Variants in PKHD1L1 observed in about 807,000 individuals in gnomAD.
PKHD1L1 encodes the protein PKHD1 like 1.
A neutral mutation model predicts 462.9 loss-of-function variants in PKHD1L1; 434 were observed. The ratio of observed to expected loss-of-function variants is 0.94; its 90% CI spans 0.87 to 1.02. The LOEUF (loss-of-function observed/expected upper bound fraction) is 1.02, where lower values mean the gene tolerates loss of function less well. Ranked by LOEUF, PKHD1L1 falls within the 50% of genes least tolerant of loss-of-function variation. The pLI is 0.00. For missense variants in PKHD1L1, 5,202 were observed against 5,096.1 expected, an observed-to-expected ratio of 1.02 and a Z score of -0.63; for synonymous variants, 1,781 against 1,750.0, an observed-to-expected ratio of 1.02 and a Z score of -0.44.
chr8:109,410,146 A>G (rs970554488), intron 19 of PKHD1L1, among the ~76,000 whole-genome samples, 168 bp downstream of exon 19: 1 of 152,160 alleles, frequency 6.6e-6, no homozygotes, highest in East Asian at 1.9e-4. Context: ...GGTAGGTGCT[A>G]TTGGTACTGC....
intron 9 of PKHD1L1, among the ~76,000 whole-genome samples, chr8:109,391,343 G>A (rs1337079551): frequency 1.3e-5 from 2 of 152,138 alleles, no homozygotes; most frequent in Non-Finnish European, 2.9e-5. Context: ...TTATTCCAGT[G>A]CTTTGCCATG....
At chr8:109,500,081 G>T (rs924470486) in intron 67 of PKHD1L1, among the ~76,000 whole-genome samples, 1 of 152,038 alleles carries the variant, frequency 6.6e-6, no homozygotes, top group African/African-American at 2.4e-5. Context: ...ATGAGAGATG[G>T]GTGTACCAGC....
At position 109,523,232 on chromosome 8, in the gene PKHD1L1, G is replaced by C; in HGVS notation, c.12331-1G>C. The C allele has an allele frequency of 6.4e-7, 1 of 1,564,794 alleles. No individual in the cohort carries two copies. Among genetic ancestry groups the C allele is most frequent in the South Asian group, 1.2e-5 (1 of 83,850 alleles). ...ATTATCTACTTTTTTTTTTTTTTTA[G>C]GGTAACTGTGTATCAGTTGGAATTA... is the stretch of plus-strand genomic sequence containing the variant. On this transcript the variant is annotated splice_acceptor_variant, in intron 75 of 77. Coordinates refer to ENST00000378402, the MANE Select transcript of PKHD1L1 (RefSeq NM_177531.6). LOFTEE classifies it high-confidence loss of function.
chr8:109,469,273 C>G (rs1165562011), intron 50 of PKHD1L1, among the ~76,000 whole-genome samples: 1 of 152,066 alleles, frequency 6.6e-6, no homozygotes, highest in Non-Finnish European at 1.5e-5. Flanking sequence ...GGGGAAAATG[C>G]TATTACCATT....
At chr8:109,367,550 T>C (rs546360049) in intron 2 of PKHD1L1, among the ~76,000 whole-genome samples, 3 of 152,366 alleles carry the variant, frequency 2.0e-5, no homozygotes, top group African/African-American at 7.2e-5. Flanking sequence ...AGTATAGTAT[T>C]GACTTGTAAA....
chr8:109,389,073 A>G lies in PKHD1L1; in HGVS notation c.624-6A>G, dbSNP rs1028741468. ...TAAGCTTTGACATTAACTTTTTTTT[A>G]ATTAGATATGGTCTAAAACTGGATC... On this transcript the variant is annotated splice_polypyrimidine_tract_variant and splice_region_variant and intron_variant, in intron 7 of 77. Transcript: ENST00000378402. 11 of 1,579,790 alleles carry G rather than the reference A, an allele frequency of 7.0e-6. No homozygotes were observed. In the Admixed American group the frequency reaches 7.1e-5, roughly 10 times the overall value.
chr8:109,424,104 C>T (rs558933353), intron 23 of PKHD1L1, among the ~76,000 whole-genome samples: 4 of 152,122 alleles, frequency 2.6e-5, no homozygotes, highest in East Asian at 3.9e-4. Flanking sequence ...TTCCTTGAAC[C>T]GCTCTTCTTT....
chr8:109,431,737 A>G (rs1169072834), intron 27 of PKHD1L1, among the ~76,000 whole-genome samples: 1 of 152,184 alleles, frequency 6.6e-6, no homozygotes. Context: ...GGACATTTAG[A>G]TTGTTTACAA....
In PKHD1L1 at chr8:109,496,921, C is replaced by T; in HGVS notation, c.10330C>T (p.Gln3444Ter). The change falls in exon 64 of 78, where the codon CAG becomes TAG. Residue 3444 changes from glutamine (Q) to a stop codon, truncating the protein, a stop_gained and splice_region_variant. Transcript: ENST00000378402. LOFTEE classifies it high-confidence loss of function. ...YRIDGEPCPG[Q>*]FNPVEKWFDN... is the part of the protein sequence containing the mutation. ...CTGGTTCTATATTTCCCTCCAAGGC[C>T]AGTTTAATCCTGTGGAAAAGTGGTT... The T allele has an allele frequency of 1.2e-6, 2 of 1,608,848 alleles. No individual in the cohort carries two copies. The highest frequency in any genetic ancestry group is 1.7e-6 in the Non-Finnish European group (2 of 1,177,418).
At chr8:109,415,862 GGGGTGTGTGT>G (rs1814131963) in intron 21 of PKHD1L1, among the ~76,000 whole-genome samples, 13 of 83,922 alleles carry the variant, frequency 1.5e-4, no homozygotes, top group East Asian at 8.7e-4. Flanking sequence ...AAAAAAAAAA[GGGGTGTGTGT>G]GTGTGTGTGT....
Position 109,443,867 on chromosome 8 carries a change from G to T in PKHD1L1, c.4756G>T (p.Gly1586Ter). Reference sequence around the variant, plus strand: ...AGTAAATGAACTAATAACAATTATTGGACATGGCTTTAGTAATCTCCCATG... The same window carrying T: ...AGTAAATGAACTAATAACAATTATTTGACATGGCTTTAGTAATCTCCCATG... The part of the protein sequence containing the change: ...GTVNELITII[G>*]HGFSNLPWAN... Residue 1586 changes from glycine (G) to a stop codon, truncating the protein, a stop_gained, in exon 37 of 78, where the codon GGA becomes TGA. Coordinates refer to ENST00000378402, the MANE Select transcript of PKHD1L1 (RefSeq NM_177531.6). LOFTEE classifies it high-confidence loss of function. The T allele has an allele frequency of 6.2e-7, 1 of 1,613,532 alleles. No individual in the cohort carries two copies. Among genetic ancestry groups the T allele is most frequent in the Middle Eastern group, 1.7e-4 (1 of 6,048 alleles).
intron 62 of PKHD1L1, among the ~76,000 whole-genome samples, chr8:109,493,094 G>T (rs1818912965): frequency 6.6e-6 from 1 of 151,132 alleles, no homozygotes; most frequent in African/African-American, 2.4e-5. Context: ...CTACTTGGGA[G>T]GTTGAGTTAA....
At position 109,406,563 on chromosome 8, in the gene PKHD1L1, A is replaced by G. The variant is rs1586445633; in HGVS notation, c.1813+85A>G. On this transcript the variant is annotated intron_variant, in intron 17 of 77. Coordinates refer to ENST00000378402, the MANE Select transcript of PKHD1L1 (RefSeq NM_177531.6). ...TAAAAGTTCCATAAGATGACAGAGAAAAAGACTTGGTTAATCTTAGGAGAA... is the reference window on the plus strand; with the variant it reads ...TAAAAGTTCCATAAGATGACAGAGAGAAAGACTTGGTTAATCTTAGGAGAA... The G allele has an allele frequency of 7.3e-6, 10 of 1,375,492 alleles. No individual in the cohort carries two copies. In the East Asian group the frequency reaches 2.6e-4, roughly 36 times the overall value. The allele number at this position is 1,375,492 out of a possible 1,614,324, so 85.2% of individuals were successfully genotyped here.
chr8:109,395,312 A>G (rs1171170136), intron 10 of PKHD1L1, among the ~76,000 whole-genome samples: 1 of 152,222 alleles, frequency 6.6e-6, no homozygotes, highest in Non-Finnish European at 1.5e-5. Context: ...GAATATCAGA[A>G]CAAACACAAA....
intron 9 of PKHD1L1, among the ~76,000 whole-genome samples, chr8:109,393,682 A>G (rs1477602592): frequency 6.6e-6 from 1 of 152,098 alleles, no homozygotes; most frequent in Non-Finnish European, 1.5e-5. Context: ...TCTTAAGTTA[A>G]TTCTCTGAAA....
intron 2 of PKHD1L1, 141 bp from the exon 3 acceptor site, chr8:109,381,229 T>G: frequency 2.7e-6 from 2 of 744,674 alleles, no homozygotes; most frequent in Non-Finnish European, 4.2e-6. Context: ...ATTACAATCA[T>G]AAGGATAAAT....
In PKHD1L1 at chr8:109,448,176, C is replaced by T; in HGVS notation, c.5810C>T (p.Ser1937Phe). 6.2e-7 allele frequency: 1 copy of T among 1,608,874 alleles called. No individual in the cohort carries two copies. The change falls in exon 39 of 78, where the codon TCC becomes TTC. Residue 1937 changes from serine to phenylalanine, a missense_variant. By Grantham distance (155) the Ser-to-Phe change is radical. Around this residue, in one of 3 missense-constraint regions of PKHD1L1, gnomAD observed 4,497 missense variants for 4,336.8 expected, o/e 1.04. Transcript: ENST00000378402. ...GGAACTGAAATTGAGATCACTGGAT[C>T]CAACTTTGGCTTTGAGATCTTGGAA... ...PPGTEIEITG[S>F]NFGFEILEIS...
Position 109,445,290 on chromosome 8 carries a change from T to G in PKHD1L1, c.5421T>G (p.Val1807=), listed in dbSNP as rs879218133. The stretch of plus-strand genomic sequence containing the variant: ...CTGCTCTTGTGACTCCTCTCCCAGT[T>G]GGACATCATTCTGTTAGTGTTGTGG... The part of the protein sequence containing the change: ...NITALVTPLP[V]GHHSVSVVVG... Residue 1807 remains valine, a synonymous_variant, in exon 38 of 78, where the codon GTT becomes GTG. Transcript: ENST00000378402. The G allele has an allele frequency of 6.2e-7, 1 of 1,614,018 alleles. No individual in the cohort carries two copies. The highest frequency in any genetic ancestry group is 8.5e-7 in the Non-Finnish European group (1 of 1,179,882).
chr8:109,404,474 T>C, intron 14 of PKHD1L1, 80 bp from the exon 15 acceptor site: 1 of 792,160 alleles, frequency 1.3e-6, no homozygotes, highest in Non-Finnish European at 1.8e-6. Flanking sequence ...TAAGATAATA[T>C]TGATATTTTA....
Sources: allele counts gnomAD v4.1 joint callset (sites outside exome capture counted in the v4.1 genomes callset), GRCh38; gene constraint gnomAD v4.1.1; regional missense constraint gnomAD v4.1.1; transcripts MANE v1.5; gene names NCBI Gene and HGNC (gene_info 2026-07-23, HGNC 2026-07-21).